NIT2: variants seen among roughly 807,000 people sequenced by gnomAD.
NIT2 encodes the protein nitrilase family member 2.
Under a neutral mutation model 42.7 loss-of-function variants are expected in NIT2, and 46 were observed. That is an observed-to-expected ratio of 1.08 (90% CI 0.85 to 1.38). The LOEUF (loss-of-function observed/expected upper bound fraction) is 1.38. Ranked by LOEUF, NIT2 falls within the 40% of genes most tolerant of loss-of-function variation. The probability of loss-of-function intolerance (pLI) is 0.00; values close to 1 mark genes in which losing one functional copy is unlikely to be tolerated. For synonymous variants in NIT2, 123 were observed against 121.9 expected, an observed-to-expected ratio of 1.01 and a Z score of -0.06; for missense variants, 309 against 342.5, an observed-to-expected ratio of 0.90 and a Z score of 0.77.
intron 1 of NIT2, among the ~76,000 whole-genome samples, chr3:100,338,483 G>C (rs2148880677): frequency 6.6e-6 from 1 of 152,336 alleles, no homozygotes; most frequent in African/African-American, 2.4e-5. Context: ...CCCTCTGCCA[G>C]CAGCGGGATC....
chr3:100,344,285 A>T (rs575066518), intron 4 of NIT2, among the ~76,000 whole-genome samples: 1 of 152,186 alleles, frequency 6.6e-6, no homozygotes, highest in Non-Finnish European at 1.5e-5. Context: ...CTGCTTCCAC[A>T]TGTCTGTGTT....
chr3:100,351,525 A>T (rs1442983993), intron 7 of NIT2, among the ~76,000 whole-genome samples: 1 of 152,164 alleles, frequency 6.6e-6, no homozygotes, highest in South Asian at 2.1e-4. Flanking sequence ...CCTATTTAAT[A>T]AATGGTGCTG....
Position 100,361,312 on chromosome 3 carries a change from T to C in NIT2, c.*6044T>C, listed in dbSNP as rs1000006047. 2 of 152,204 alleles carry C rather than the reference T, an allele frequency of 1.3e-5. No homozygotes were observed. The highest frequency in any genetic ancestry group is 2.9e-5 in the Non-Finnish European group (2 of 68,028). The allele number at this position is 152,204 out of a possible 1,614,324, so 9.4% of individuals were successfully genotyped here. A position where few individuals can be genotyped will look rare whatever the true frequency, so the allele number is the denominator to read the frequency against. ...AATGCCCAAGAGCCAATGTTAGTCA[T>C]GGTCTTCCTGTATTTGCTCTAGGTA... On this transcript the variant is annotated 3_prime_UTR_variant, in exon 10 of 10. Transcript: ENST00000394140.
chr3:100,334,827 C>A (rs375070277), intron 1 of NIT2, 29 bp downstream of exon 1: 4 of 1,243,454 alleles, frequency 3.2e-6, no homozygotes, highest in South Asian at 6.9e-5. Context: ...CGCTGCAGCT[C>A]GAGTTCGGGC....
rs568323118 is a variant in NIT2 at position 100,360,575 on chromosome 3, C to CA, written c.*5317dup. On this transcript the variant is annotated 3_prime_UTR_variant, in exon 10 of 10. Coordinates refer to ENST00000394140, the MANE Select transcript of NIT2 (RefSeq NM_020202.5). ...CCTGGGCAACAGAGTTAAACTGTATCAAAAAAAAAATGCAGTATTGATTTA... is the reference window on the plus strand; with the variant it reads ...CCTGGGCAACAGAGTTAAACTGTATCAAAAAAAAAAATGCAGTATTGATTTA... 103 of 149,138 alleles carry CA rather than the reference C, an allele frequency of 6.9e-4. No individual in the cohort carries two copies. Among genetic ancestry groups the CA allele is most frequent in the East Asian group, 1.9e-3 (10 of 5,134 alleles). The allele number at this position is 149,138 out of a possible 1,614,324, so 9.2% of individuals were successfully genotyped here.
rs1350589799 is a variant in NIT2 at position 100,360,008 on chromosome 3, A to G, written c.*4740A>G. On this transcript the variant is annotated 3_prime_UTR_variant, in exon 10 of 10. Coordinates refer to ENST00000394140, the MANE Select transcript of NIT2 (RefSeq NM_020202.5). ...AGACTACCTTCCTCTGAAGCATATG[A>G]CAGGTTCATTTACTATCCAGCCCAC... 1.3e-5 allele frequency: 2 copies of G among 152,224 alleles called. No homozygotes were observed. Among genetic ancestry groups the G allele is most frequent in the African/African-American group, 2.4e-5 (1 of 41,448 alleles). 9.4% of individuals were successfully genotyped at this position (152,224 alleles called of 1,614,324 possible). A position where few individuals can be genotyped will look rare whatever the true frequency, so the allele number is the denominator to read the frequency against.
chr3:100,359,420 AG>A lies in NIT2; in HGVS notation c.*4153del, dbSNP rs1360827715. ...GAACAAAGAGCACGCCATCCTGTAAAGTACTCTTCCTGATTTTTTTTCACCC... is the reference window on the plus strand; with the variant it reads ...GAACAAAGAGCACGCCATCCTGTAAATACTCTTCCTGATTTTTTTTCACCC... On this transcript the variant is annotated 3_prime_UTR_variant, in exon 10 of 10. Coordinates refer to ENST00000394140, the MANE Select transcript of NIT2 (RefSeq NM_020202.5). 2.0e-5 allele frequency: 3 copies of A among 152,188 alleles called. No homozygotes were observed. Among genetic ancestry groups the A allele is most frequent in the Non-Finnish European group, 2.9e-5 (2 of 68,040 alleles). 9.4% of individuals were successfully genotyped at this position (152,188 alleles called of 1,614,324 possible). A position where few individuals can be genotyped will look rare whatever the true frequency, so the allele number is the denominator to read the frequency against.
chr3:100,353,091 C>T (rs1428940407), intron 8 of NIT2, among the ~76,000 whole-genome samples: 1 of 152,228 alleles, frequency 6.6e-6, no homozygotes, highest in Non-Finnish European at 1.5e-5. Context: ...CCTACTTTCA[C>T]AACATGGTCT....
intron 6 of NIT2, 102 bp from the exon 7 acceptor site, chr3:100,348,701 G>C (rs1401375090): frequency 2.4e-6 from 2 of 846,394 alleles, no homozygotes. Flanking sequence ...TTATGTTTGG[G>C]AAAGTTTGAG....
chr3:100,359,051 G>C lies in NIT2; in HGVS notation c.*3783G>C, dbSNP rs1269243876. On this transcript the variant is annotated 3_prime_UTR_variant, in exon 10 of 10. Transcript: ENST00000394140. ...TCATTCATTTCTACTTGTGAATGAA[G>C]TTCGGAGACTAAGAAAAAGCCAGCT... 6.6e-6 allele frequency: 1 copy of C among 152,200 alleles called. No individual in the cohort carries two copies. The highest frequency in any genetic ancestry group is 1.5e-5 in the Non-Finnish European group (1 of 68,046). The allele number at this position is 152,200 out of a possible 1,614,324, so 9.4% of individuals were successfully genotyped here. A position where few individuals can be genotyped will look rare whatever the true frequency, so the allele number is the denominator to read the frequency against.
At chr3:100,338,119 A>G (rs563730364) in intron 1 of NIT2, among the ~76,000 whole-genome samples, 16 of 152,312 alleles carry the variant, frequency 1.1e-4, no homozygotes, top group South Asian at 2.1e-4. Flanking sequence ...AAAAGCTAAA[A>G]GGGAACTTTA....
intron 1 of NIT2, 35 bp from the exon 2 acceptor site, chr3:100,339,052 T>C: frequency 7.0e-7 from 1 of 1,436,636 alleles, no homozygotes; most frequent in Non-Finnish European, 9.8e-7. Flanking sequence ...CAGTTCGATC[T>C]TCTGATAGCT....
intron 4 of NIT2, among the ~76,000 whole-genome samples, chr3:100,343,401 T>C (rs1706177033): frequency 6.6e-6 from 1 of 152,090 alleles, no homozygotes; most frequent in Non-Finnish European, 1.5e-5. Flanking sequence ...TCCAATACTT[T>C]TTCCTTCTCT....
At chr3:100,340,782 C>T (rs1473646463) in intron 3 of NIT2, among the ~76,000 whole-genome samples, 1 of 152,032 alleles carries the variant, frequency 6.6e-6, no homozygotes, top group Non-Finnish European at 1.5e-5. Flanking sequence ...ATTTTTTAAA[C>T]CTGTCTTTGG....
At position 100,352,394 on chromosome 3, in the gene NIT2, T is replaced by G; in HGVS notation, c.585-10T>G. The G allele has an allele frequency of 6.2e-7, 1 of 1,603,954 alleles. No homozygotes were observed. The highest frequency in any genetic ancestry group is 8.5e-7 in the Non-Finnish European group (1 of 1,171,290). On this transcript the variant is annotated splice_polypyrimidine_tract_variant and intron_variant, in intron 7 of 9. Coordinates refer to ENST00000394140, the MANE Select transcript of NIT2 (RefSeq NM_020202.5). ...GTACGATTTACCTCTTTCCTGTCTA[T>G]TGACTACAGGGCTGTTGATAATCAG...
At chr3:100,347,736 A>G (rs371447314) in intron 6 of NIT2, among the ~76,000 whole-genome samples, 40 of 152,270 alleles carry the variant, frequency 2.6e-4, no homozygotes, top group Non-Finnish European at 5.4e-4. Flanking sequence ...TGTCCATGCT[A>G]TTGACACTAT....
At chr3:100,338,322 C>G (rs985351473) in intron 1 of NIT2, among the ~76,000 whole-genome samples, 3 of 152,172 alleles carry the variant, frequency 2.0e-5, no homozygotes, top group African/African-American at 7.2e-5. Flanking sequence ...TCTGCAGTAT[C>G]TCTTTCAACC....
intron 8 of NIT2, 65 bp from the exon 9 acceptor site, chr3:100,354,707 A>AG: frequency 1.5e-6 from 2 of 1,346,664 alleles, no homozygotes; most frequent in Non-Finnish European, 2.1e-6. Context: ...GGGAGGAAAA[A>AG]ACAGAGACCT....
chr3:100,344,150 C>G (rs999232470), intron 4 of NIT2, among the ~76,000 whole-genome samples: 11 of 152,172 alleles, frequency 7.2e-5, no homozygotes, highest in African/African-American at 2.7e-4. Context: ...CCTTGGTTTC[C>G]AGCTCTGGTT....
Sources: allele counts gnomAD v4.1 joint callset (sites outside exome capture counted in the v4.1 genomes callset), GRCh38; gene constraint gnomAD v4.1.1; transcripts MANE v1.5; gene names NCBI Gene and HGNC (gene_info 2026-07-23, HGNC 2026-07-21).